DLGAP1: variants seen among roughly 807,000 people sequenced by gnomAD.
DLGAP1 encodes the protein disks large-associated protein 1.
DLGAP1 carries 11 observed loss-of-function variants against 90.8 expected under a neutral mutation model. The observed-to-expected ratio is 0.12, with a 90% CI of 0.08 to 0.20. The LOEUF is 0.20. Ranked by LOEUF, DLGAP1 falls within the 10% of genes least tolerant of loss-of-function variation. The pLI, the probability that DLGAP1 is intolerant of heterozygous loss-of-function variation, is 1.00. For synonymous variants in DLGAP1, 558 were observed against 540.7 expected (o/e 1.03, Z -0.44); for missense variants, 1,050 against 1,333.8 (o/e 0.79, Z 3.31).
chr18:4,172,169 A>G (rs958922094), intron 1 of DLGAP1, among the ~76,000 whole-genome samples: 3 of 152,208 alleles, frequency 2.0e-5, no homozygotes, highest in Non-Finnish European at 4.4e-5. Flanking sequence ...CCTTTGCCTC[A>G]GATACATATG....
intron 2 of DLGAP1, among the ~76,000 whole-genome samples, chr18:4,133,017 A>G (rs1453593886): frequency 6.6e-6 from 1 of 152,200 alleles, no homozygotes; most frequent in Non-Finnish European, 1.5e-5. Flanking sequence ...TACTTTCTTC[A>G]TCTTTGAAAT....
intron 1 of DLGAP1, among the ~76,000 whole-genome samples, chr18:4,173,926 T>C (rs1415161416): frequency 6.6e-6 from 1 of 152,166 alleles, no homozygotes; most frequent in Non-Finnish European, 1.5e-5. Flanking sequence ...ACATCTCCAG[T>C]TCCTTTATCC....
At chr18:4,374,578 T>C (rs956264697) in intron 1 of DLGAP1, among the ~76,000 whole-genome samples, 1 of 152,098 alleles carries the variant, frequency 6.6e-6, no homozygotes, top group African/African-American at 2.4e-5. Context: ...TGACATATAG[T>C]TTAAAGATTC....
chr18:3,675,069 T>G (rs2060249862), intron 7 of DLGAP1, among the ~76,000 whole-genome samples: 1 of 152,106 alleles, frequency 6.6e-6, no homozygotes, highest in South Asian at 2.1e-4. Flanking sequence ...TACCACGCAG[T>G]GGGTTAGCTG....
In DLGAP1 at chr18:4,238,247, G is replaced by A. The variant is rs75711948; in HGVS notation, c.-266-86960C>T. ...GTTAAATGAGATGGTATCTGTAAAC[G>A]TTCTTAGAAGAACTTCTGTGAATTA... On this transcript the variant is annotated intron_variant, in intron 1 of 12. Transcript: ENST00000315677. Among the ~76,000 whole-genome samples, 157 of 152,212 alleles carry A rather than the reference G, an allele frequency of 1.0e-3. 6 individuals are homozygous for A. The East Asian group carries it at 0.028, about 27-fold the overall frequency.
At chr18:3,662,860 G>T (rs1323195100) in intron 7 of DLGAP1, among the ~76,000 whole-genome samples, 2 of 152,220 alleles carry the variant, frequency 1.3e-5, no homozygotes, top group Non-Finnish European at 2.9e-5. Flanking sequence ...GTATACGTTG[G>T]ACATATATGA....
At chr18:4,386,573 T>C (rs1050009021) in intron 1 of DLGAP1, among the ~76,000 whole-genome samples, 3 of 152,216 alleles carry the variant, frequency 2.0e-5, no homozygotes, top group Admixed American at 6.5e-5. Flanking sequence ...GTATAGCCAG[T>C]CGACCTGTCC....
chr18:4,418,785 A>G (rs281015), intron 1 of DLGAP1, among the ~76,000 whole-genome samples: 137,076 of 152,084 alleles, frequency 0.9, 61,912 homozygotes, highest in East Asian at 1. Flanking sequence ...ACAGGGCAGA[A>G]CAAACATTTG....
intron 7 of DLGAP1, among the ~76,000 whole-genome samples, chr18:3,667,410 T>TC (rs2059923132): frequency 6.6e-6 from 1 of 152,086 alleles, no homozygotes; most frequent in African/African-American, 2.4e-5. Flanking sequence ...TTTCTTTGTC[T>TC]CCTCCACTTA....
At chr18:3,968,666 TATTCA>T (rs2073380498) in intron 3 of DLGAP1, among the ~76,000 whole-genome samples, 2 of 152,174 alleles carry the variant, frequency 1.3e-5, no homozygotes, top group African/African-American at 2.4e-5. Context: ...TTCAAACCAA[TATTCA>T]ATTATTTGTG....
chr18:4,422,173 G>C (rs1411849003), intron 1 of DLGAP1, among the ~76,000 whole-genome samples: 1 of 151,470 alleles, frequency 6.6e-6, no homozygotes, highest in Admixed American at 6.6e-5. Context: ...CTTACCTGAG[G>C]CTTAATTTAT....
chr18:3,656,950 A>T, intron 7 of DLGAP1, among the ~76,000 whole-genome samples: 1 of 152,070 alleles, frequency 6.6e-6, no homozygotes, highest in East Asian at 1.9e-4. Context: ...GTTTCACTGT[A>T]TTAGTCAGGA....
At chr18:4,016,881 G>T (rs1235742613) in intron 2 of DLGAP1, among the ~76,000 whole-genome samples, 1 of 152,108 alleles carries the variant, frequency 6.6e-6, no homozygotes, top group East Asian at 1.9e-4. Context: ...CATAAAGTAG[G>T]GATAAAAGTC....
At chr18:3,759,913 A>C (rs766332360) in intron 5 of DLGAP1, among the ~76,000 whole-genome samples, 11 of 152,188 alleles carry the variant, frequency 7.2e-5, no homozygotes, top group Non-Finnish European at 1.2e-4. Context: ...CAAGGGCAAA[A>C]ACCTGGAGGC....
chr18:3,562,949 C>T (rs2054226658), intron 9 of DLGAP1, among the ~76,000 whole-genome samples: 1 of 152,078 alleles, frequency 6.6e-6, no homozygotes, highest in Non-Finnish European at 1.5e-5. Context: ...CCACCTCAGC[C>T]TACTGAGTAA....
intron 9 of DLGAP1, among the ~76,000 whole-genome samples, chr18:3,547,931 T>C (rs1305784533): frequency 2.6e-5 from 4 of 152,202 alleles, no homozygotes; most frequent in Non-Finnish European, 5.9e-5. Flanking sequence ...AATTAAGTAC[T>C]AACACATGCT....
intron 9 of DLGAP1, among the ~76,000 whole-genome samples, chr18:3,560,589 C>CAA (rs59239504): frequency 0.031 from 2,156 of 69,838 alleles, 171 homozygotes; most frequent in African/African-American, 0.11. Flanking sequence ...GACTCAGTCT[C>CAA]AAAAAAAAAA....
At chr18:4,292,608 T>C (rs1019759323) in intron 1 of DLGAP1, among the ~76,000 whole-genome samples, 32 of 152,298 alleles carry the variant, frequency 2.1e-4, no homozygotes, top group Non-Finnish European at 2.1e-4. Flanking sequence ...GCTCTTTAAT[T>C]ATGTCTTTGA....
intron 4 of DLGAP1, among the ~76,000 whole-genome samples, chr18:3,864,851 T>A (rs1430382406): frequency 2.0e-5 from 3 of 152,212 alleles, no homozygotes; most frequent in African/African-American, 7.2e-5. Flanking sequence ...AATTCAATTT[T>A]ACTTTGATGG....
Sources: gnomAD v4.1 joint callset for allele counts (sites outside exome capture counted in the v4.1 genomes callset) on GRCh38, gnomAD v4.1.1 for gene constraint, MANE v1.5 for transcripts, NCBI Gene and HGNC (gene_info 2026-07-23, HGNC 2026-07-21) for gene names.